FANCC: variants seen among roughly 807,000 people sequenced by gnomAD.
The protein encoded by FANCC is FA complementation group C, also known as Fanconi anemia group C protein.
A neutral mutation model predicts 71.3 loss-of-function variants in FANCC; 55 were observed. That is an observed-to-expected ratio of 0.77 (90% CI 0.62 to 0.97). The LOEUF is 0.97. Ranked by LOEUF, FANCC falls within the 50% of genes least tolerant of loss-of-function variation. The pLI is 0.00. For synonymous variants in FANCC, 275 were observed against 244.9 expected (o/e 1.12, Z -1.15); for missense variants, 678 against 670.9 (o/e 1.01, Z -0.12).
intron 4 of FANCC, among the ~76,000 whole-genome samples, chr9:95,191,384 G>A (rs1330687689): frequency 7.6e-6 from 1 of 131,798 alleles, no homozygotes; most frequent in East Asian, 2.5e-4. Context: ...CCAGGATGGA[G>A]TGCAGTGGTG....
intron 6 of FANCC, among the ~76,000 whole-genome samples, chr9:95,151,960 CA>C (rs1004428208): frequency 8.0e-5 from 12 of 149,342 alleles, no homozygotes; most frequent in African/African-American, 2.0e-4. Flanking sequence ...AAAAACAAAA[CA>C]AAAAAAAACT....
intron 7 of FANCC, among the ~76,000 whole-genome samples, chr9:95,137,808 G>A (rs1827934164): frequency 6.6e-6 from 1 of 152,238 alleles, no homozygotes; most frequent in Non-Finnish European, 1.5e-5. Flanking sequence ...AGGCACAGAA[G>A]CAGAGGACGC....
intron 13 of FANCC, among the ~76,000 whole-genome samples, chr9:95,108,635 T>G (rs1412707630): frequency 6.6e-6 from 1 of 152,242 alleles, no homozygotes; most frequent in African/African-American, 2.4e-5. Context: ...TTTCTTTTCT[T>G]TTTAAAGTAT....
chr9:95,275,891 C>T (rs528192870), intron 1 of FANCC, among the ~76,000 whole-genome samples: 1 of 152,154 alleles, frequency 6.6e-6, no homozygotes, highest in Non-Finnish European at 1.5e-5. Context: ...ACTCTACACA[C>T]TCTGAGCATA....
At chr9:95,210,866 C>CT (rs1406126358) in intron 4 of FANCC, among the ~76,000 whole-genome samples, 1 of 152,112 alleles carries the variant, frequency 6.6e-6, no homozygotes, top group East Asian at 1.9e-4. Context: ...TCCATAAACT[C>CT]TATCTATATA....
At chr9:95,226,320 G>C (rs942206876) in intron 4 of FANCC, among the ~76,000 whole-genome samples, 2 of 152,162 alleles carry the variant, frequency 1.3e-5, no homozygotes, top group Admixed American at 1.3e-4. Context: ...CCTGTTACTA[G>C]CCACTTTTAT....
chr9:95,260,683 AT>A (rs1564806240), intron 1 of FANCC, among the ~76,000 whole-genome samples: 1 of 127,190 alleles, frequency 7.9e-6, no homozygotes. Flanking sequence ...AGAACTTAAA[AT>A]ATAAAAAAAA....
intron 1 of FANCC, chr9:95,293,644 C>A (rs1181753528): frequency 1.3e-5 from 21 of 1,614,086 alleles, no homozygotes; most frequent in Non-Finnish European, 1.7e-5. Context: ...ACCGCTGATT[C>A]CTCTGTGTCG....
chr9:95,244,893 T>C (rs1049436224), intron 3 of FANCC, among the ~76,000 whole-genome samples: 1 of 151,944 alleles, frequency 6.6e-6, no homozygotes, highest in Non-Finnish European at 1.5e-5. Context: ...TAGTGTTGTA[T>C]TCTAGGGAAA....
At chr9:95,124,903 G>A (rs1825737689) in intron 10 of FANCC, among the ~76,000 whole-genome samples, 183 bp downstream of exon 10, 1 of 152,192 alleles carries the variant, frequency 6.6e-6, no homozygotes, top group African/African-American at 2.4e-5. Flanking sequence ...GCACGGGGCA[G>A]ACAGATCTTG....
chr9:95,150,585 A>G (rs1830121276), intron 6 of FANCC, among the ~76,000 whole-genome samples: 1 of 152,098 alleles, frequency 6.6e-6, no homozygotes, highest in African/African-American at 2.4e-5. Context: ...TTGTTTCTGC[A>G]CTCACTCCTA....
intron 7 of FANCC, among the ~76,000 whole-genome samples, chr9:95,143,184 T>G (rs962177114): frequency 3.3e-5 from 5 of 152,244 alleles, no homozygotes; most frequent in African/African-American, 1.2e-4. Flanking sequence ...AACAGCCACA[T>G]GGAAGAGATG....
chr9:95,219,850 C>A (rs941686829), intron 4 of FANCC, among the ~76,000 whole-genome samples: 5 of 152,020 alleles, frequency 3.3e-5, no homozygotes, highest in African/African-American at 4.8e-5. Context: ...GCAACAAAAG[C>A]CAAAATAGAC....
chr9:95,198,112 G>A (rs1243491635), intron 4 of FANCC, among the ~76,000 whole-genome samples: 9 of 152,238 alleles, frequency 5.9e-5, no homozygotes, highest in Non-Finnish European at 1.2e-4. Flanking sequence ...GCCAGCACTC[G>A]CAGGAGTGAG....
chr9:95,114,426 G>A (rs2072226232), intron 12 of FANCC: 3 of 661,520 alleles, frequency 4.5e-6, no homozygotes, highest in Admixed American at 2.1e-5. Flanking sequence ...GCATACATGC[G>A]CATGCCTATT....
intron 4 of FANCC, among the ~76,000 whole-genome samples, chr9:95,215,744 A>G (rs1476583516): frequency 6.6e-6 from 1 of 152,244 alleles, no homozygotes; most frequent in East Asian, 1.9e-4. Flanking sequence ...TCCAGATGAC[A>G]GCCTCATTTG....
At chr9:95,226,417 A>AAAGGCAGTGAGG (rs1319126317) in intron 4 of FANCC, among the ~76,000 whole-genome samples, 1 of 152,206 alleles carries the variant, frequency 6.6e-6, no homozygotes, top group Non-Finnish European at 1.5e-5. Flanking sequence ...AAGGACACCA[A>AAAGGCAGTGAGG]AAGGCAGTGA....
intron 4 of FANCC, among the ~76,000 whole-genome samples, chr9:95,235,844 CAAAAAA>C (rs10666439): frequency 8.3e-5 from 3 of 36,224 alleles, no homozygotes; most frequent in African/African-American, 2.4e-4. Flanking sequence ...AACTCCACCT[CAAAAAA>C]AAAAAAAAAA....
At chr9:95,204,686 C>T (rs184808998) in intron 4 of FANCC, among the ~76,000 whole-genome samples, 1 of 152,300 alleles carries the variant, frequency 6.6e-6, no homozygotes, top group African/African-American at 2.4e-5. Context: ...CTTCGAAAAT[C>T]AAACCCAATC....
Sources: gnomAD v4.1 joint callset for allele counts (sites outside exome capture counted in the v4.1 genomes callset) on GRCh38, gnomAD v4.1.1 for gene constraint, MANE v1.5 for transcripts, NCBI Gene and HGNC (gene_info 2026-07-23, HGNC 2026-07-21) for gene names.